UGT2B11: variants seen among roughly 807,000 people sequenced by gnomAD.
The protein encoded by UGT2B11 is UDP glucuronosyltransferase family 2 member B11, also known as UDP-glucuronosyltransferase 2B11.
A neutral mutation model predicts 51.7 loss-of-function variants in UGT2B11; 49 were observed. That is an observed-to-expected ratio of 0.95 (90% confidence interval 0.75 to 1.20). The LOEUF is 1.20. Ranked by LOEUF, UGT2B11 falls within the 50% of genes most tolerant of loss-of-function variation. The probability of loss-of-function intolerance (pLI) is 0.00; values close to 1 mark genes in which losing one functional copy is unlikely to be tolerated. For synonymous variants in UGT2B11, 273 were observed against 209.0 expected, an observed-to-expected ratio of 1.31 and a Z score of -2.64; for missense variants, 810 against 622.1, an observed-to-expected ratio of 1.30 and a Z score of -3.21.
At chr4:69,222,287 C>T in the UGT2B11 span, among the ~76,000 whole-genome samples, 1 of 152,380 alleles carries the variant, frequency 6.6e-6, no homozygotes, top group Non-Finnish European at 1.5e-5. Flanking sequence ...TGGCCTTCAA[C>T]GGAATCTGGA....
At chr4:69,216,564 A>G (rs1490077418), upstream of UGT2B11, 1 of 151,524 alleles carries the variant, frequency 6.6e-6, no homozygotes, top group African/African-American at 2.4e-5. Flanking sequence ...CCACACCAGC[A>G]CATTCTCGCA....
In UGT2B11 at chr4:69,211,718, A is replaced by G. The variant is rs541317727; in HGVS notation, c.870+855T>C. Among the ~76,000 whole-genome samples, 152 of 151,642 alleles carry G rather than the reference A, an allele frequency of 1.0e-3. 1 individual carries two copies. Among genetic ancestry groups the G allele is most frequent in the African/African-American group, 2.7e-3 (113 of 41,482 alleles). ...CACTTTTCCATCATCTGTTACCTGAATCCATGGAAAGTTTCCTGAATGGTT... is the reference window on the plus strand; with the variant it reads ...CACTTTTCCATCATCTGTTACCTGAGTCCATGGAAAGTTTCCTGAATGGTT... On this transcript the variant is annotated intron_variant, in intron 2 of 5. Coordinates refer to ENST00000446444, the MANE Select transcript of UGT2B11 (RefSeq NM_001073.3).
chr4:69,220,363 G>T, the UGT2B11 span, among the ~76,000 whole-genome samples: 10 of 152,192 alleles, frequency 6.6e-5, no homozygotes, highest in Non-Finnish European at 1.5e-4. Flanking sequence ...AACTGTTTGT[G>T]GATGTATCAT....
In UGT2B11 at chr4:69,214,258, G is replaced by C; in HGVS notation, c.465C>G (p.Pro155=). 6.2e-7 allele frequency: 1 copy of C among 1,613,196 alleles called. No homozygotes were observed. The highest frequency in any genetic ancestry group is 8.5e-7 in the Non-Finnish European group (1 of 1,179,470). Residue 155 remains proline (P), a synonymous_variant, in exon 1 of 6, where the codon CCC becomes CCG. Coordinates refer to ENST00000446444, the MANE Select transcript of UGT2B11 (RefSeq NM_001073.3). The part of the protein sequence containing the change: ...FDIVFADAVF[P]CGELLAALLN... Reference sequence around the variant, plus strand: ...GTAGCGCAGCCAGCAGCTCACCACAGGGAAAAACAGCATCTGCAAAAACGA... The same window carrying C: ...GTAGCGCAGCCAGCAGCTCACCACACGGAAAAACAGCATCTGCAAAAACGA...
At chr4:69,217,810 A>C (rs75519726), upstream of UGT2B11, among the ~76,000 whole-genome samples, 32,090 of 151,890 alleles carry the variant, frequency 0.21, 3,836 homozygotes, top group African/African-American at 0.32. Context: ...AGACAAAAAA[A>C]ATTTATTTGC....
At chr4:69,205,705 C>T (rs920908081) in intron 3 of UGT2B11, 138 bp from the exon 4 acceptor site, 1 of 980,996 alleles carries the variant, frequency 1.0e-6, no homozygotes, top group Admixed American at 3.2e-5. Flanking sequence ...AAAAAGAATA[C>T]TCACATTTTA....
At chr4:69,206,930 T>C (rs1178199857) in intron 3 of UGT2B11, among the ~76,000 whole-genome samples, 1 of 151,638 alleles carries the variant, frequency 6.6e-6, no homozygotes, top group Non-Finnish European at 1.5e-5. Context: ...AAGCTACTTA[T>C]AAGAACTAAA....
the UGT2B11 span, among the ~76,000 whole-genome samples, chr4:69,224,264 C>T: frequency 1.3e-5 from 2 of 152,238 alleles, no homozygotes; most frequent in African/African-American, 4.8e-5. Flanking sequence ...ATGTGGTGGT[C>T]TCACACTCAG....
At chr4:69,218,056 A>T (rs1359370545), upstream of UGT2B11, among the ~76,000 whole-genome samples, 3 of 152,166 alleles carry the variant, frequency 2.0e-5, no homozygotes, top group African/African-American at 7.2e-5. Flanking sequence ...TAACATATTA[A>T]TCTTTGGAGC....
chr4:69,213,816 T>C (rs1489583193), intron 1 of UGT2B11, among the ~76,000 whole-genome samples, 186 bp downstream of exon 1: 1 of 151,836 alleles, frequency 6.6e-6, no homozygotes, highest in Non-Finnish European at 1.5e-5. Context: ...GCCACAGGGT[T>C]TTAACAGACC....
At chr4:69,206,657 A>G (rs1721869196) in intron 3 of UGT2B11, among the ~76,000 whole-genome samples, 2 of 151,706 alleles carry the variant, frequency 1.3e-5, no homozygotes, top group African/African-American at 4.8e-5. Context: ...AATTTAATTT[A>G]AAAAATAAAA....
At chr4:69,224,544 C>T in the UGT2B11 span, among the ~76,000 whole-genome samples, 1 of 152,058 alleles carries the variant, frequency 6.6e-6, no homozygotes, top group Admixed American at 6.6e-5. Context: ...GGTTTAGCCT[C>T]TGAATTCTAA....
chr4:69,209,615 G>T (rs1451709931), intron 2 of UGT2B11, among the ~76,000 whole-genome samples: 1 of 151,636 alleles, frequency 6.6e-6, no homozygotes, highest in African/African-American at 2.4e-5. Context: ...ATCACATATG[G>T]CAGAGTGTTT....
At chr4:69,214,769 T>C, upstream of UGT2B11, 1 of 1,582,630 alleles carries the variant, frequency 6.3e-7, no homozygotes, top group South Asian at 1.2e-5. Flanking sequence ...TTCTTTCTCA[T>C]ACTTATATAC....
chr4:69,211,919 G>A (rs895298450), intron 2 of UGT2B11, among the ~76,000 whole-genome samples: 3 of 151,296 alleles, frequency 2.0e-5, no homozygotes, highest in East Asian at 1.9e-4. Flanking sequence ...TTACCTCTTA[G>A]TATCATCTCA....
Position 69,214,562 on chromosome 4 carries a change from G to A in UGT2B11, c.161C>T (p.Thr54Ile), listed in dbSNP as rs1722204449. The A allele has an allele frequency of 1.2e-6, 2 of 1,613,258 alleles. No individual in the cohort carries two copies. The highest frequency in any genetic ancestry group is 1.7e-4 in the Middle Eastern group (1 of 6,042). ...AATGGAAGCTGAAGATGCCAGTACA[G>A]TCACCTCATGACCTCTCTGAACAAG... is the stretch of plus-strand genomic sequence containing the variant. ...KELVQRGHEV[T>I]VLASSASILF... Residue 54 changes from threonine (T) to isoleucine (I), a missense_variant, in exon 1 of 6, where the codon ACT becomes ATT. Thr to Ile is a moderately conservative substitution (Grantham distance 89). Transcript: ENST00000446444.
intron 1 of UGT2B11, 72 bp from the exon 2 acceptor site, chr4:69,212,793 T>C: frequency 2.0e-6 from 3 of 1,504,282 alleles, no homozygotes; most frequent in Non-Finnish European, 2.6e-6. Context: ...TGAAAAAGGT[T>C]AGAACAATGT....
chr4:69,212,872 A>C (rs1056376921), intron 1 of UGT2B11, 151 bp from the exon 2 acceptor site: 11 of 724,260 alleles, frequency 1.5e-5, no homozygotes, highest in Admixed American at 9.8e-5. Context: ...ATATATTATT[A>C]TGTATTATAT....
chr4:69,207,561 T>C (rs542934413), intron 3 of UGT2B11, among the ~76,000 whole-genome samples: 37 of 151,666 alleles, frequency 2.4e-4, no homozygotes, highest in South Asian at 6.2e-4. Context: ...GCTGCCTCCA[T>C]TGGGAGGAGT....
Sources: allele counts gnomAD v4.1 joint callset (sites outside exome capture counted in the v4.1 genomes callset), GRCh38; gene constraint gnomAD v4.1.1; transcripts MANE v1.5; gene names NCBI Gene and HGNC (gene_info 2026-07-23, HGNC 2026-07-21).